The following DLG2 variants were observed in gnomAD, a reference collection of about 807,000 sequenced individuals.
DLG2 encodes disks large homolog 2.
Under a neutral mutation model 132.5 loss-of-function variants are expected in DLG2, and 45 were observed. That is an observed-to-expected ratio of 0.34 (90% confidence interval 0.27 to 0.44). The LOEUF (loss-of-function observed/expected upper bound fraction) is 0.44, where lower values mean the gene tolerates loss of function less well. Ranked by LOEUF, DLG2 falls within the 20% of genes least tolerant of loss-of-function variation. The pLI is 1.00. For synonymous variants in DLG2, 424 were observed against 419.6 expected, an observed-to-expected ratio of 1.01 and a Z score of -0.13; for missense variants, 1,045 against 1,196.9, an observed-to-expected ratio of 0.87 and a Z score of 1.87.
chr11:85,433,918 A>C (rs1283098825), intron 3 of DLG2, among the ~76,000 whole-genome samples: 1 of 152,172 alleles, frequency 6.6e-6, no homozygotes, highest in Non-Finnish European at 1.5e-5. Flanking sequence ...ATAATTAGAG[A>C]TAAAACACTC....
chr11:85,510,664 A>G (rs974635760), intron 3 of DLG2, among the ~76,000 whole-genome samples: 1 of 152,180 alleles, frequency 6.6e-6, no homozygotes, highest in African/African-American at 2.4e-5. Flanking sequence ...AATCAAAACC[A>G]CAATGAGATA....
intron 2 of DLG2, among the ~76,000 whole-genome samples, chr11:85,607,322 T>C (rs1057324731): frequency 1.3e-5 from 2 of 152,194 alleles, no homozygotes; most frequent in African/African-American, 4.8e-5. Flanking sequence ...CCCGTACTTC[T>C]GGGCTGAGCC....
At chr11:84,226,988 G>A (rs1359323114) in intron 8 of DLG2, among the ~76,000 whole-genome samples, 1 of 151,972 alleles carries the variant, frequency 6.6e-6, no homozygotes, top group African/African-American at 2.4e-5. Flanking sequence ...CCGGAGGCTG[G>A]GGCAGGAGAA....
At chr11:83,765,552 T>C (rs1480129238) in intron 18 of DLG2, among the ~76,000 whole-genome samples, 1 of 152,250 alleles carries the variant, frequency 6.6e-6, no homozygotes, top group Non-Finnish European at 1.5e-5. Flanking sequence ...TTGTACACCA[T>C]AGGCTGGATT....
intron 3 of DLG2, among the ~76,000 whole-genome samples, chr11:85,402,818 C>T (rs772782833): frequency 5.9e-5 from 9 of 151,978 alleles, no homozygotes; most frequent in East Asian, 1.9e-4. Context: ...GTTAGAATGT[C>T]GATCATTAAA....
intron 18 of DLG2, among the ~76,000 whole-genome samples, chr11:83,649,269 G>A (rs891479554): frequency 3.1e-4 from 47 of 152,196 alleles, no homozygotes; most frequent in African/African-American, 1.1e-3. Context: ...CCAGTTCTAT[G>A]ATCAAGCCCA....
intron 18 of DLG2, among the ~76,000 whole-genome samples, chr11:83,775,874 C>T (rs1286284711): frequency 1.3e-5 from 2 of 152,128 alleles, no homozygotes; most frequent in Non-Finnish European, 2.9e-5. Flanking sequence ...GGGCGGATCA[C>T]AAGATCAGGA....
intron 7 of DLG2, among the ~76,000 whole-genome samples, chr11:84,257,162 T>C (rs1007996890): frequency 2.0e-5 from 3 of 151,986 alleles, no homozygotes; most frequent in African/African-American, 7.2e-5. Context: ...TGGCTTACTC[T>C]GGAAAAAAAA....
chr11:84,281,688 A>C (rs913636759), intron 7 of DLG2, among the ~76,000 whole-genome samples: 1 of 151,762 alleles, frequency 6.6e-6, no homozygotes, highest in Non-Finnish European at 1.5e-5. Context: ...AGAAAAAAAA[A>C]CCCAAAAATG....
At chr11:84,823,789 T>C (rs1202005784) in intron 6 of DLG2, among the ~76,000 whole-genome samples, 1 of 151,906 alleles carries the variant, frequency 6.6e-6, no homozygotes, top group Admixed American at 6.6e-5. Flanking sequence ...GTCATTTGAA[T>C]AGTGTCTAGC....
chr11:84,860,680 G>A (rs2083479536), intron 6 of DLG2, among the ~76,000 whole-genome samples: 1 of 152,064 alleles, frequency 6.6e-6, no homozygotes, highest in South Asian at 2.1e-4. Context: ...CACATAGGTA[G>A]ACCAAACTCT....
intron 4 of DLG2, among the ~76,000 whole-genome samples, chr11:85,202,428 A>G (rs2081539883): frequency 6.6e-6 from 1 of 152,140 alleles, no homozygotes. Context: ...GGAAAAATAA[A>G]CTGCGATATA....
At chr11:84,271,949 C>CAAAAAA (rs71036417) in intron 7 of DLG2, among the ~76,000 whole-genome samples, 30 of 77,768 alleles carry the variant, frequency 3.9e-4, no homozygotes, top group South Asian at 9.3e-4. Flanking sequence ...TTGATAATAA[C>CAAAAAA]AAAAAAAAAA....
At chr11:83,617,715 C>G (rs946470773) in intron 19 of DLG2, among the ~76,000 whole-genome samples, 1 of 152,062 alleles carries the variant, frequency 6.6e-6, no homozygotes, top group African/African-American at 2.4e-5. Context: ...AATTTCATTA[C>G]TAAGTATGGT....
At chr11:84,622,690 T>A (rs900128812) in intron 6 of DLG2, among the ~76,000 whole-genome samples, 4 of 152,060 alleles carry the variant, frequency 2.6e-5, no homozygotes, top group Non-Finnish European at 5.9e-5. Flanking sequence ...GAACTAATAT[T>A]CCATGCAGAA....
At chr11:84,486,689 T>C (rs1211170680) in intron 7 of DLG2, among the ~76,000 whole-genome samples, 1 of 152,078 alleles carries the variant, frequency 6.6e-6, no homozygotes, top group African/African-American at 2.4e-5. Flanking sequence ...CTTGGAGTAA[T>C]GTATGTATCA....
rs527675880 is a variant in DLG2 at position 85,425,806 on chromosome 11, A to T, written c.41-140441T>A. 1.3e-3 allele frequency among the ~76,000 whole-genome samples: 197 copies of T among 152,302 alleles called. 1 individual carries two copies. Among genetic ancestry groups the T allele is most frequent in the African/African-American group, 4.5e-3 (186 of 41,564 alleles). ...AAAGTGGGTGCAGGACAGTGGGTGC[A>T]GCACACCAAGCAAGAGCCGAAGCAG... On this transcript the variant is annotated intron_variant, in intron 3 of 27. Transcript: ENST00000376104.
chr11:85,189,973 A>C (rs972535037), intron 4 of DLG2, among the ~76,000 whole-genome samples: 2 of 152,170 alleles, frequency 1.3e-5, no homozygotes, highest in Non-Finnish European at 2.9e-5. Context: ...TGTATCTTAT[A>C]ATGTATAAAT....
At chr11:85,128,218 T>G (rs1178569097) in intron 5 of DLG2, among the ~76,000 whole-genome samples, 1 of 150,756 alleles carries the variant, frequency 6.6e-6, no homozygotes, top group Non-Finnish European at 1.5e-5. Flanking sequence ...ATTTGTAGAT[T>G]TTTTTTAAAC....
Sources: allele counts gnomAD v4.1 joint callset (sites outside exome capture counted in the v4.1 genomes callset), GRCh38; gene constraint gnomAD v4.1.1; transcripts MANE v1.5; gene names NCBI Gene and HGNC (gene_info 2026-07-23, HGNC 2026-07-21).